Variants in NFATC2 observed in about 807,000 individuals in gnomAD.
NFATC2 encodes the protein nuclear factor of activated T-cells, cytoplasmic 2.
In NFATC2, 22 loss-of-function variants were observed where a neutral mutation model predicts 87.3. That is an observed-to-expected ratio of 0.25 (90% CI 0.18 to 0.36). The LOEUF (loss-of-function observed/expected upper bound fraction) is 0.36, where lower values mean the gene tolerates loss of function less well. NFATC2 is among the 10% of genes least tolerant of loss of function. The pLI, the probability that NFATC2 is intolerant of heterozygous loss-of-function variation, is 1.00. For synonymous variants in NFATC2, 565 were observed against 542.2 expected (o/e 1.04, Z -0.58); for missense variants, 1,149 against 1,259.1 (o/e 0.91, Z 1.32).
In NFATC2 at chr20:51,524,476, A is replaced by G. The variant is rs1270001514; in HGVS notation, c.131-366T>C. On this transcript the variant is annotated intron_variant, in intron 1 of 10. Transcript: ENST00000371564. This position sits in a 1 kb window ranked among gnomAD's most constrained non-coding sequence, Gnocchi z 4.0. ...TCGAGTCAATACTTACCCCTGCTAC[A>G]TGACACCCTCAGACCCTCCCTCCTG... Among the ~76,000 whole-genome samples, 1 of 152,150 alleles carries G rather than the reference A, an allele frequency of 6.6e-6. No homozygotes were observed.
At position 51,523,357 on chromosome 20, in the gene NFATC2, G is replaced by C. The variant is rs538296084; in HGVS notation, c.884C>G (p.Pro295Arg). The C allele has an allele frequency of 2.5e-6, 4 of 1,611,898 alleles. No homozygotes were observed. The Admixed American group carries it at 5.0e-5, about 20-fold the overall frequency. Residue 295 changes from proline to arginine, a missense_variant, in exon 2 of 11, where the codon CCC (proline) becomes CGC (arginine). Coordinates refer to ENST00000371564, the MANE Select transcript of NFATC2 (RefSeq NM_012340.5). This position sits in a 1 kb window ranked among gnomAD's most constrained non-coding sequence, Gnocchi z 6.9. The part of the protein sequence containing the change: ...PQDHGSPAGY[P>R]PVAGSAVIMD... ...GATCACGGCAGAGCCAGCCACAGGG[G>C]GGTACCCAGCCGGGGAGCCGTGGTC...
At chr20:51,399,108 ATCTAC>A (rs1404329265) in intron 9 of NFATC2, 3 of 185,564 alleles carry the variant, frequency 1.6e-5, no homozygotes, top group African/African-American at 7.0e-5. Context: ...TTCATTAAAG[ATCTAC>A]TCAACTGTTA....
At chr20:51,472,994 T>C (rs1327038710) in intron 5 of NFATC2, among the ~76,000 whole-genome samples, 1 of 152,218 alleles carries the variant, frequency 6.6e-6, no homozygotes, top group East Asian at 1.9e-4. Context: ...TCACATCTAA[T>C]TGCAGAGATT....
At chr20:51,521,338 T>G (rs974540678) in intron 2 of NFATC2, among the ~76,000 whole-genome samples, 14 of 152,196 alleles carry the variant, frequency 9.2e-5, no homozygotes, top group East Asian at 3.8e-4. Context: ...ATTTTTTTTT[T>G]GAGGTGGAGT....
At chr20:51,454,121 A>T (rs228839) in intron 6 of NFATC2, among the ~76,000 whole-genome samples, 136,794 of 152,178 alleles carry the variant, frequency 0.9, 61,605 homozygotes, top group East Asian at 0.96. Context: ...ATTTTAACGG[A>T]TAGGTAATAT....
Position 51,503,452 on chromosome 20 carries a change from G to C in NFATC2, c.1332+13332C>G, listed in dbSNP as rs549474520. ...CACTAGTATGGTGAGAACAACTCAG[G>C]CTGGAGGGCAAGGGTCAGGTAGGTC... On this transcript the variant is annotated intron_variant, in intron 3 of 10. Coordinates refer to ENST00000371564, the MANE Select transcript of NFATC2 (RefSeq NM_012340.5). Among the ~76,000 whole-genome samples the C allele has an allele frequency of 3.3e-5, 5 of 152,324 alleles. No individual in the cohort carries two copies. The East Asian group carries it at 9.6e-4, about 29-fold the overall frequency.
chr20:51,458,525 G>A (rs1223031677), intron 5 of NFATC2, among the ~76,000 whole-genome samples: 1 of 151,856 alleles, frequency 6.6e-6, no homozygotes, highest in African/African-American at 2.4e-5. Flanking sequence ...CAAGCCAGGT[G>A]CGGTGGCTCA....
intron 1 of NFATC2, among the ~76,000 whole-genome samples, chr20:51,533,164 C>T (rs1022517610): frequency 6.6e-6 from 1 of 152,210 alleles, no homozygotes; most frequent in Non-Finnish European, 1.5e-5. Context: ...CCACTCGCCC[C>T]GACAACTCTC....
At chr20:51,553,171 G>GAT (rs1327840682) in intron 1 of NFATC2, among the ~76,000 whole-genome samples, 1 of 152,076 alleles carries the variant, frequency 6.6e-6, no homozygotes, top group Non-Finnish European at 1.5e-5. Flanking sequence ...GTTCCCTGGG[G>GAT]ATGCCCTCCT....
At chr20:51,554,195 C>T (rs1403646317) in intron 1 of NFATC2, among the ~76,000 whole-genome samples, 20 of 152,200 alleles carry the variant, frequency 1.3e-4, no homozygotes, top group Admixed American at 1.2e-3. Context: ...GCTTCTCCAT[C>T]AACACAATCA....
At chr20:51,544,041 G>T (rs2076866475), upstream of NFATC2, among the ~76,000 whole-genome samples, 1 of 140,030 alleles carries the variant, frequency 7.1e-6, no homozygotes, top group Non-Finnish European at 1.5e-5. Flanking sequence ...AGGCTGGAGT[G>T]CAGTGGCGCG....
chr20:51,552,076 T>G (rs958403414), intron 1 of NFATC2, among the ~76,000 whole-genome samples: 1 of 151,714 alleles, frequency 6.6e-6, no homozygotes, highest in Admixed American at 6.6e-5. Context: ...GGCTTACGCC[T>G]GTAATCCCAA....
Position 51,435,213 on chromosome 20 carries a change from C to T in NFATC2, c.2007G>A (p.Gln669=). 1 of 1,614,192 alleles carries T rather than the reference C, an allele frequency of 6.2e-7. No homozygotes were observed. The highest frequency in any genetic ancestry group is 8.5e-7 in the Non-Finnish European group (1 of 1,180,024). ...CTGGGTGGTAGGTAAAGTGCTGAGG[C>T]TGACTTCGTTTTCTCTTCCCATTGA... The part of the protein sequence containing the change: ...YVINGKRKRS[Q]PQHFTYHPVP... The change falls in exon 8 of 11, where the codon CAG becomes CAA. Residue 669 remains glutamine, a synonymous_variant. Coordinates refer to ENST00000371564, the MANE Select transcript of NFATC2 (RefSeq NM_012340.5).
In NFATC2 at chr20:51,447,228, C is replaced by T. The variant is rs551300246; in HGVS notation, c.1849+7320G>A. ...GGGAAAGAGGGAATTCCACCACCCACGCGTCCTTTCTAAAAAATCAATTTG... is the reference window on the plus strand; with the variant it reads ...GGGAAAGAGGGAATTCCACCACCCATGCGTCCTTTCTAAAAAATCAATTTG... On this transcript the variant is annotated intron_variant, in intron 6 of 10. Coordinates refer to ENST00000371564, the MANE Select transcript of NFATC2 (RefSeq NM_012340.5). Among the ~76,000 whole-genome samples the T allele has an allele frequency of 3.9e-5, 6 of 152,248 alleles. No individual in the cohort carries two copies. The South Asian group carries it at 8.3e-4, about 21-fold the overall frequency.
intron 9 of NFATC2, among the ~76,000 whole-genome samples, chr20:51,427,714 C>CAGA (rs1982058063): frequency 6.6e-6 from 1 of 151,932 alleles, no homozygotes; most frequent in Non-Finnish European, 1.5e-5. Flanking sequence ...AAACACTCTT[C>CAGA]CCTCAGACCT....
intron 1 of NFATC2, among the ~76,000 whole-genome samples, chr20:51,548,391 T>C (rs910491325): frequency 1.1e-4 from 16 of 152,218 alleles, no homozygotes; most frequent in African/African-American, 3.6e-4. Context: ...TTTATTCATA[T>C]GTATATTTCT....
chr20:51,439,118 C>A (rs981209028), intron 6 of NFATC2, among the ~76,000 whole-genome samples: 1 of 152,174 alleles, frequency 6.6e-6, no homozygotes, highest in Admixed American at 6.5e-5. Flanking sequence ...CTCAAGATAC[C>A]GTGGAAGCTT....
intron 3 of NFATC2, among the ~76,000 whole-genome samples, chr20:51,484,028 C>T (rs1045369079): frequency 1.4e-4 from 22 of 152,174 alleles, no homozygotes. Context: ...TCAAAAAGCC[C>T]GAGTCCTTAC....
chr20:51,523,083 G>A lies in NFATC2; in HGVS notation c.1158C>T (p.Cys386=). The change falls in exon 2 of 11, where the codon TGC becomes TGT. Residue 386 remains cysteine (C), a splice_region_variant and synonymous_variant. Transcript: ENST00000371564. The surrounding 1 kb of genome is among the most constrained non-coding windows in gnomAD (Gnocchi z 6.9). ...PKPLVPAIPI[C]SIPVTASLPP... is the part of the protein sequence containing the mutation. ...ATCATTTTCAAAGCCCTGCTCACCT[G>A]CAGATGGGAATGGCAGGCACCAGCG... 3 of 1,614,168 alleles carry A rather than the reference G, an allele frequency of 1.9e-6. No individual in the cohort carries two copies. Among genetic ancestry groups the A allele is most frequent in the Non-Finnish European group, 2.5e-6 (3 of 1,180,036 alleles).
Sources: allele counts gnomAD v4.1 joint callset (sites outside exome capture counted in the v4.1 genomes callset), GRCh38; gene constraint gnomAD v4.1.1; non-coding constraint Gnocchi (gnomAD v3.1); transcripts MANE v1.5; gene names NCBI Gene and HGNC (gene_info 2026-07-23, HGNC 2026-07-21).